GUCD1: variants seen among roughly 807,000 people sequenced by gnomAD.
GUCD1 encodes guanylyl cyclase domain containing 1, also known as protein GUCD1.
GUCD1 carries 17 observed loss-of-function variants against 28.3 expected under a neutral mutation model. The ratio of observed to expected loss-of-function variants is 0.60; its 90% CI spans 0.41 to 0.90. GUCD1 has a LOEUF of 0.90. Among genes scored for constraint, GUCD1 ranks in the 40% least tolerant of loss-of-function variants. The probability of loss-of-function intolerance (pLI) is 0.00; values close to 1 mark genes in which losing one functional copy is unlikely to be tolerated. For synonymous variants in GUCD1, 129 were observed against 123.3 expected, an observed-to-expected ratio of 1.05 and a Z score of -0.30; for missense variants, 279 against 305.5, an observed-to-expected ratio of 0.91 and a Z score of 0.65.
intron 5 of GUCD1, 95 bp downstream of exon 5, chr22:24,543,747 C>T (rs2044652151): frequency 6.7e-7 from 1 of 1,490,234 alleles, no homozygotes; most frequent in Non-Finnish European, 9.2e-7. Context: ...GAGGCCCTGG[C>T]CACACTAGAT....
upstream of GUCD1, chr22:24,555,233 T>G (rs1466444051): frequency 1.0e-5 from 13 of 1,292,526 alleles, no homozygotes; most frequent in Middle Eastern, 2.9e-4. Flanking sequence ...ATCTTAGAGG[T>G]CCCCAGCCTC....
chr22:24,546,790 A>G lies in GUCD1; in HGVS notation c.386+124T>C, dbSNP rs113311750. The G allele has an allele frequency of 2.2e-4, 183 of 814,678 alleles. 1 individual carries two copies. In the African/African-American group the frequency reaches 2.3e-3, roughly 10 times the overall value. The allele number at this position is 814,678 out of a possible 1,614,324, so 50.5% of individuals were successfully genotyped here. ...AGTCAGTGCCCACAGCCACCCGGGT[A>G]GCCAGTTCTGCCTGGCTCCAGAGTC... On this transcript the variant is annotated intron_variant, in intron 4 of 5. Coordinates refer to ENST00000435822, the MANE Select transcript of GUCD1 (RefSeq NM_001284254.2).
chr22:24,551,580 CCT>C lies in GUCD1; in HGVS notation c.44-2581_44-2580del, dbSNP rs1167630387. On this transcript the variant is annotated intron_variant, in intron 1 of 5. Transcript: ENST00000435822. The stretch of plus-strand genomic sequence containing the variant: ...CCCAAGGCATCTGCACGTGAGGATC[CCT>C]CTGTCTGAAACTCTCTCCCGGCTGC... 5.3e-5 allele frequency among the ~76,000 whole-genome samples: 8 copies of C among 152,336 alleles called. No homozygotes were observed. The South Asian group carries it at 1.2e-3, about 24-fold the overall frequency.
chr22:24,554,871 G>A, intron 1 of GUCD1, 78 bp downstream of exon 1: 1 of 1,207,752 alleles, frequency 8.3e-7, no homozygotes. Flanking sequence ...AAGGTCGCGC[G>A]ACTGGACCCT....
intron 1 of GUCD1, among the ~76,000 whole-genome samples, chr22:24,552,702 G>A (rs1193277448): frequency 6.6e-6 from 1 of 151,996 alleles, no homozygotes; most frequent in Non-Finnish European, 1.5e-5. Context: ...CCTGGGAGGC[G>A]GAGGTTGCAG....
chr22:24,550,630 CTCCTGCTGTGCCAGCCCCAGT>C (rs2044847135), intron 1 of GUCD1, among the ~76,000 whole-genome samples: 1 of 152,160 alleles, frequency 6.6e-6, no homozygotes, highest in South Asian at 2.1e-4. Context: ...CCCAGGAGCC[CTCCTGCTGTGCCAGCCCCAGT>C]TCCCCTCACT....
chr22:24,548,442 C>T (rs2044785876), intron 2 of GUCD1, among the ~76,000 whole-genome samples: 1 of 152,184 alleles, frequency 6.6e-6, no homozygotes, highest in Admixed American at 6.5e-5. Context: ...TGCTGAGATT[C>T]CCAGGATGTA....
chr22:24,550,759 C>T (rs2044850947), intron 1 of GUCD1, among the ~76,000 whole-genome samples: 1 of 152,058 alleles, frequency 6.6e-6, no homozygotes, highest in South Asian at 2.1e-4. Context: ...TCCTCCCTTC[C>T]TATGTCTGAC....
Position 24,544,050 on chromosome 22 carries a change from CAGG to C in GUCD1, c.417_419del (p.His139_Leu140delinsGln). 1 of 1,612,132 alleles carries C rather than the reference CAGG, an allele frequency of 6.2e-7. No homozygotes were observed. Among genetic ancestry groups the C allele is most frequent in the Non-Finnish European group, 8.5e-7 (1 of 1,178,664 alleles). ...GCACGATGGCCACATGGCCCTGAGC[CAGG>C]TGCGCCTGGATGTCCTTCACACTCA... On this transcript the variant is annotated inframe_deletion, in exon 5 of 6. Coordinates refer to ENST00000435822, the MANE Select transcript of GUCD1 (RefSeq NM_001284254.2).
intron 5 of GUCD1, 122 bp downstream of exon 5, chr22:24,543,720 G>C: frequency 1.6e-6 from 2 of 1,279,522 alleles, no homozygotes; most frequent in Non-Finnish European, 2.2e-6. Context: ...AGGGGCTTTG[G>C]GGAAAAGGTA....
At position 24,543,865 on chromosome 22, in the gene GUCD1, T is replaced by C. The variant is rs1431298910; in HGVS notation, c.605A>G (p.Tyr202Cys). ...GYNRATGCIF[Y>C]NNPAYADRMC... ...ACGGTCGGCATAGGCTGGGTTGTTG[T>C]AGAAGATGCAGCCAGTGGCCCGGTT... Residue 202 changes from tyrosine (Y) to cysteine (C), a missense_variant, in exon 5 of 6, where the codon TAC becomes TGC. By Grantham distance (194) the Tyr-to-Cys change is radical. Transcript: ENST00000435822. 4.3e-6 allele frequency: 7 copies of C among 1,613,820 alleles called. No homozygotes were observed. The highest frequency in any genetic ancestry group is 5.9e-6 in the Non-Finnish European group (7 of 1,179,956).
At position 24,543,054 on chromosome 22, in the gene GUCD1, G is replaced by A. The variant is rs374969094; in HGVS notation, c.672C>T (p.Thr224=). The change falls in exon 6 of 6, where the codon ACC becomes ACT. Residue 224 remains threonine, a synonymous_variant. Coordinates refer to ENST00000435822, the MANE Select transcript of GUCD1 (RefSeq NM_001284254.2). ...TSISNFEEAR[T]SYGTDEDILF... is the part of the protein sequence containing the mutation. ...GGATGTCCTCATCTGTGCCATAGCT[G>A]GTTCTGGCCTCCTCAAAGTTACTGA... 2.5e-6 allele frequency: 4 copies of A among 1,613,932 alleles called. No individual in the cohort carries two copies. In the African/African-American group the frequency reaches 5.3e-5, roughly 22 times the overall value.
chr22:24,543,577 C>T (rs949642443), intron 5 of GUCD1, among the ~76,000 whole-genome samples: 8 of 151,942 alleles, frequency 5.3e-5, no homozygotes, highest in Admixed American at 1.3e-4. Context: ...AAGGCAGGGA[C>T]CTGGGCAGTG....
intron 3 of GUCD1, among the ~76,000 whole-genome samples, chr22:24,547,549 G>C (rs2044758763): frequency 6.6e-6 from 1 of 152,206 alleles, no homozygotes; most frequent in South Asian, 2.1e-4. Flanking sequence ...ATGTGCAAAT[G>C]ATGGCCGGAT....
rs62231933 is a variant in GUCD1, at chr22:24,546,305, C to T, written c.386+609G>A. ...AATCACCTATCATGTGATTATACTA[C>T]GTCAATAATGAAAATATAAATCCGC... On this transcript the variant is annotated intron_variant, in intron 4 of 5. Coordinates refer to ENST00000435822, the MANE Select transcript of GUCD1 (RefSeq NM_001284254.2). Among the ~76,000 whole-genome samples the T allele has an allele frequency of 7.6e-3, 1,154 of 152,246 alleles. 7 individuals carry two copies. Among genetic ancestry groups the T allele is most frequent in the South Asian group, 0.018 (87 of 4,822 alleles).
intron 1 of GUCD1, 25 bp from the exon 2 acceptor site, chr22:24,549,026 C>A: frequency 6.6e-7 from 1 of 1,518,730 alleles, no homozygotes; most frequent in East Asian, 2.4e-5. Context: ...AGGGAGGTCA[C>A]AGACCCTCAG....
upstream of GUCD1, chr22:24,555,596 C>T: frequency 1.3e-6 from 2 of 1,550,112 alleles, no homozygotes; most frequent in Non-Finnish European, 1.7e-6. Context: ...TACCTAGCCT[C>T]ACTCAGGGCC....
At chr22:24,547,110 GGCA>G in intron 3 of GUCD1, 105 bp from the exon 4 acceptor site, 1 of 876,504 alleles carries the variant, frequency 1.1e-6, no homozygotes, top group South Asian at 1.4e-5. Context: ...ACAGCAGGAG[GGCA>G]GAGGAGCCCC....
chr22:24,549,422 T>C (rs1478976170), intron 1 of GUCD1, among the ~76,000 whole-genome samples: 7 of 152,092 alleles, frequency 4.6e-5, no homozygotes, highest in Admixed American at 4.6e-4. Context: ...GTATTGCCCC[T>C]CTCAGGCCCA....
Sources: gnomAD v4.1 joint callset for allele counts (sites outside exome capture counted in the v4.1 genomes callset) on GRCh38, gnomAD v4.1.1 for gene constraint, MANE v1.5 for transcripts, NCBI Gene and HGNC (gene_info 2026-07-23, HGNC 2026-07-21) for gene names.